Variants in ITGAL observed in about 807,000 individuals in gnomAD.
ITGAL encodes the protein integrin alpha-L.
In ITGAL, 68 loss-of-function variants were observed where a neutral mutation model predicts 138.4. That is an observed-to-expected ratio of 0.49 (90% CI 0.40 to 0.60). The LOEUF is 0.60. ITGAL is among the 20% of genes least tolerant of loss of function. ITGAL has a pLI of 0.00. For synonymous variants in ITGAL, 561 were observed against 584.3 expected (o/e 0.96, Z 0.57); for missense variants, 1,256 against 1,478.6 (o/e 0.85, Z 2.47).
intron 18 of ITGAL, chr16:30,504,827 C>G (rs2073918): frequency 0.19 from 29,803 of 154,418 alleles, 4,332 homozygotes; most frequent in South Asian, 0.6. Context: ...GACCAGTGTG[C>G]CAACATGGCG....
At chr16:30,509,919 G>A (rs1255555094) in intron 21 of ITGAL, among the ~76,000 whole-genome samples, 4 of 151,732 alleles carry the variant, frequency 2.6e-5, no homozygotes, top group East Asian at 1.9e-4. Flanking sequence ...CATCCCTGTA[G>A]TCCCAGCTAC....
At chr16:30,486,155 C>G (rs189122742) in intron 9 of ITGAL, among the ~76,000 whole-genome samples, 133 of 152,252 alleles carry the variant, frequency 8.7e-4, no homozygotes, top group Non-Finnish European at 1.7e-3. Context: ...ATATGTGATT[C>G]CTACAGGAAA....
At chr16:30,493,306 G>C (rs1181987295) in intron 11 of ITGAL, among the ~76,000 whole-genome samples, 1 of 87,786 alleles carries the variant, frequency 1.1e-5, no homozygotes, top group Admixed American at 9.5e-5. Flanking sequence ...TTGAGACGGA[G>C]TCTCGCTCTG....
At chr16:30,492,003 AG>A (rs1201116000) in intron 11 of ITGAL, among the ~76,000 whole-genome samples, 1 of 152,134 alleles carries the variant, frequency 6.6e-6, no homozygotes, top group Non-Finnish European at 1.5e-5. Context: ...CATGTGCTGT[AG>A]GGCCTTGGAC....
Position 30,479,195 on chromosome 16 carries a change from C to T in ITGAL, c.432C>T (p.Arg144=), listed in dbSNP as rs1199961328. The T allele has an allele frequency of 6.2e-7, 1 of 1,614,048 alleles. No homozygotes were observed. The highest frequency in any genetic ancestry group is 1.7e-5 in the Admixed American group (1 of 59,980). The change falls in exon 5 of 31, where the codon CGC becomes CGT. Residue 144 remains arginine (R), a synonymous_variant. Coordinates refer to ENST00000356798, the MANE Select transcript of ITGAL (RefSeq NM_002209.3). ...TGCAGGGTCCCATGCTGCAGGGGCG[C>T]CCTGGTTTTCAGGGTAAGGAACTGG... ...QNLQGPMLQG[R]PGFQECIKGN... is the part of the protein sequence containing the mutation.
chr16:30,495,624 G>T (rs1200235230), intron 13 of ITGAL, among the ~76,000 whole-genome samples: 1 of 152,064 alleles, frequency 6.6e-6, no homozygotes, highest in Admixed American at 6.6e-5. Context: ...GAAGCCAGGA[G>T]TTCAAGACCA....
chr16:30,510,464 G>A lies in ITGAL; in HGVS notation c.2612G>A (p.Gly871Asp), dbSNP rs750779476. 3 of 1,589,926 alleles carry A rather than the reference G, an allele frequency of 1.9e-6. No individual in the cohort carries two copies. In the Admixed American group the frequency reaches 5.0e-5, roughly 27 times the overall value. ...CNVSSPIFKAGHSVALQMMFN... is the reference protein window; with the variant it reads ...CNVSSPIFKADHSVALQMMFN... ...GTGAGCTCTCCCATCTTCAAAGCAG[G>A]CCACTCGGTGAGTGCTTCAAGTCTC... The change falls in exon 22 of 31, where the codon GGC (glycine) becomes GAC (aspartate). Residue 871 changes from glycine (G) to aspartate (D), a missense_variant. This residue lies in a region of ITGAL where 867 missense variants were observed against 972.5 expected (regional missense o/e 0.89). Transcript: ENST00000356798.
chr16:30,505,578 C>T, intron 20 of ITGAL, 116 bp downstream of exon 20: 2 of 801,422 alleles, frequency 2.5e-6, no homozygotes, highest in Non-Finnish European at 4.1e-6. Flanking sequence ...CCTTAGTTTC[C>T]TTTTCTGAGA....
At chr16:30,513,664 G>T (rs2051123248) in intron 24 of ITGAL, 107 bp from the exon 25 acceptor site, 2 of 784,166 alleles carry the variant, frequency 2.6e-6, no homozygotes, top group African/African-American at 1.7e-5. Flanking sequence ...GATTGAATGA[G>T]ATGGTATCTG....
At chr16:30,487,817 G>A (rs548911326) in intron 9 of ITGAL, among the ~76,000 whole-genome samples, 30 of 149,948 alleles carry the variant, frequency 2.0e-4, no homozygotes, top group Admixed American at 4.7e-4. Flanking sequence ...TCCCAGCCTC[G>A]AGCAATTCTC....
chr16:30,499,417 G>A lies in ITGAL; in HGVS notation c.2073G>A (p.Gly691=). ...GAAGACGGGGGTTGTTCCCAGGAGG[G>A]AGACATGAACTCAGAAGGAATATAG... ...RTRRRGLFPG[G]RHELRRNIAV... Residue 691 remains glycine, a synonymous_variant, in exon 17 of 31, where the codon GGG becomes GGA. Coordinates refer to ENST00000356798, the MANE Select transcript of ITGAL (RefSeq NM_002209.3). 1 of 1,614,052 alleles carries A rather than the reference G, an allele frequency of 6.2e-7. No individual in the cohort carries two copies. Among genetic ancestry groups the A allele is most frequent in the Non-Finnish European group, 8.5e-7 (1 of 1,180,032 alleles).
Position 30,484,205 on chromosome 16 carries a change from A to T in ITGAL, c.948A>T (p.Thr316=). 6.2e-7 allele frequency: 1 copy of T among 1,614,114 alleles called. No individual in the cohort carries two copies. The highest frequency in any genetic ancestry group is 8.5e-7 in the Non-Finnish European group (1 of 1,180,024). Residue 316 remains threonine, a synonymous_variant, in exon 9 of 31, where the codon ACA becomes ACT. Coordinates refer to ENST00000356798, the MANE Select transcript of ITGAL (RefSeq NM_002209.3). ...PASEFVKILD[T]FEKLKDLFTE... ...GCGAGTTTGTGAAAATTCTGGACAC[A>T]TTTGAGAAGCTGAAAGATCTATTCA... is the stretch of plus-strand genomic sequence containing the variant.
chr16:30,490,090 G>A (rs2050703172), intron 11 of ITGAL, among the ~76,000 whole-genome samples: 2 of 151,978 alleles, frequency 1.3e-5, no homozygotes, highest in Admixed American at 1.3e-4. Flanking sequence ...AGTCGGGCAT[G>A]ATGGCGGGTG....
At chr16:30,510,121 C>T (rs553691165) in intron 21 of ITGAL, among the ~76,000 whole-genome samples, 2 of 152,132 alleles carry the variant, frequency 1.3e-5, no homozygotes, top group Admixed American at 6.6e-5. Flanking sequence ...CTTAAGTAAT[C>T]CTCCCACCTC....
At chr16:30,503,151 C>T (rs2050931047) in intron 17 of ITGAL, among the ~76,000 whole-genome samples, 1 of 152,016 alleles carries the variant, frequency 6.6e-6, no homozygotes, top group Non-Finnish European at 1.5e-5. Flanking sequence ...ATGAATCACA[C>T]AAAACTAGAA....
intron 17 of ITGAL, among the ~76,000 whole-genome samples, chr16:30,500,052 T>G (rs1459669667): frequency 7.3e-6 from 1 of 136,156 alleles, no homozygotes; most frequent in Non-Finnish European, 1.6e-5. Flanking sequence ...CCTGGCCTAT[T>G]TTATATTATT....
chr16:30,490,713 T>C (rs2050713081), intron 11 of ITGAL, among the ~76,000 whole-genome samples: 1 of 152,130 alleles, frequency 6.6e-6, no homozygotes, highest in African/African-American at 2.4e-5. Context: ...GGCCACTCCT[T>C]TTTAAGGCTT....
chr16:30,521,748 G>A lies in ITGAL; in HGVS notation c.*83G>A. On this transcript the variant is annotated 3_prime_UTR_variant, in exon 31 of 31. Coordinates refer to ENST00000356798, the MANE Select transcript of ITGAL (RefSeq NM_002209.3). ...TCTGCCTCTGCCTGCATTCTGCCGT[G>A]TGCCCTCGGGCGAGTCACTGCCTCT... 7.2e-7 allele frequency: 1 copy of A among 1,387,678 alleles called. No homozygotes were observed. Among genetic ancestry groups the A allele is most frequent in the Non-Finnish European group, 9.8e-7 (1 of 1,015,700 alleles). The allele number at this position is 1,387,678 out of a possible 1,614,324, so 86.0% of individuals were successfully genotyped here. A position where few individuals can be genotyped will look rare whatever the true frequency, so the allele number is the denominator to read the frequency against.
intron 17 of ITGAL, among the ~76,000 whole-genome samples, chr16:30,499,733 A>ATATATATATATATATATTT: frequency 1.1e-5 from 1 of 88,364 alleles, no homozygotes; most frequent in Non-Finnish European, 1.9e-5. Context: ...ATATATATAT[A>ATATATATATATATATATTT]TTTTTTTTTT....
Sources: allele counts gnomAD v4.1 joint callset (sites outside exome capture counted in the v4.1 genomes callset), GRCh38; gene constraint gnomAD v4.1.1; regional missense constraint gnomAD v4.1.1; transcripts MANE v1.5; gene names NCBI Gene and HGNC (gene_info 2026-07-23, HGNC 2026-07-21).